MRPS27: variants seen among roughly 807,000 people sequenced by gnomAD.
MRPS27 encodes the protein small ribosomal subunit protein mS27.
A neutral mutation model predicts 48.9 loss-of-function variants in MRPS27; 43 were observed. The ratio of observed to expected loss-of-function variants is 0.88; its 90% CI spans 0.69 to 1.13. MRPS27 has a LOEUF of 1.13. MRPS27 is among the 50% of genes most tolerant of loss of function. The probability of loss-of-function intolerance (pLI) is 0.00; values close to 1 mark genes in which losing one functional copy is unlikely to be tolerated. For missense variants in MRPS27, 467 were observed against 476.3 expected, an observed-to-expected ratio of 0.98 and a Z score of 0.18; for synonymous variants, 188 against 171.9, an observed-to-expected ratio of 1.09 and a Z score of -0.73.
At chr5:72,276,202 G>A (rs1295158517) in intron 4 of MRPS27, among the ~76,000 whole-genome samples, 4 of 151,998 alleles carry the variant, frequency 2.6e-5, no homozygotes, top group African/African-American at 4.8e-5. Context: ...GCATAGTACT[G>A]GTACAAAAAC....
At chr5:72,258,675 G>A (rs1748879910) in intron 4 of MRPS27, among the ~76,000 whole-genome samples, 1 of 152,108 alleles carries the variant, frequency 6.6e-6, no homozygotes, top group Admixed American at 6.5e-5. Context: ...TGGCAATCAA[G>A]GTGCCATCTT....
At chr5:72,245,280 T>C (rs372616372) in intron 4 of MRPS27, among the ~76,000 whole-genome samples, 2 of 152,296 alleles carry the variant, frequency 1.3e-5, no homozygotes, top group Admixed American at 6.5e-5. Flanking sequence ...AGCAGGATGT[T>C]GAGAAAAACT....
chr5:72,302,635 C>CA (rs1348661527), intron 2 of MRPS27, among the ~76,000 whole-genome samples: 1 of 152,196 alleles, frequency 6.6e-6, no homozygotes, highest in Non-Finnish European at 1.5e-5. Context: ...ATGTAACTGT[C>CA]AGAGGCCAAA....
chr5:72,309,781 T>A (rs1435134400), intron 2 of MRPS27, among the ~76,000 whole-genome samples: 2 of 152,230 alleles, frequency 1.3e-5, no homozygotes, highest in South Asian at 4.1e-4. Flanking sequence ...TTGCTTATAA[T>A]TCACATATGG....
intron 4 of MRPS27, among the ~76,000 whole-genome samples, chr5:72,263,287 G>A (rs1749030114): frequency 6.6e-6 from 1 of 151,938 alleles, no homozygotes; most frequent in South Asian, 2.1e-4. Flanking sequence ...GAACTCAAAT[G>A]AATCAATGAC....
rs1747718116 is a variant in MRPS27 at position 72,220,799 on chromosome 5, G to T, written c.*110C>A. 6.8e-7 allele frequency: 1 copy of T among 1,480,166 alleles called. No individual in the cohort carries two copies. Among genetic ancestry groups the T allele is most frequent in the Non-Finnish European group, 9.1e-7 (1 of 1,096,730 alleles). 91.7% of individuals were successfully genotyped at this position (1,480,166 alleles called of 1,614,324 possible). A position where few individuals can be genotyped will look rare whatever the true frequency, so the allele number is the denominator to read the frequency against. Reference sequence around the variant, plus strand: ...ATGTAGGGCACATAGCCTGCTTTAAGAAAAGAAGATGGGTAGAGGAAGCTG... The same window carrying T: ...ATGTAGGGCACATAGCCTGCTTTAATAAAAGAAGATGGGTAGAGGAAGCTG... On this transcript the variant is annotated 3_prime_UTR_variant, in exon 11 of 11. Coordinates refer to ENST00000261413, the MANE Select transcript of MRPS27 (RefSeq NM_015084.3).
At chr5:72,314,243 C>A in intron 1 of MRPS27, 85 bp from the exon 2 acceptor site, 1 of 874,138 alleles carries the variant, frequency 1.1e-6, no homozygotes, top group Non-Finnish European at 1.8e-6. Flanking sequence ...CTTCACTATC[C>A]TTTCAACTAC....
At chr5:72,316,930 G>A (rs1356070821) in intron 1 of MRPS27, among the ~76,000 whole-genome samples, 1 of 151,500 alleles carries the variant, frequency 6.6e-6, no homozygotes, top group East Asian at 2.0e-4. Flanking sequence ...TTGGGAGGCT[G>A]AGGCAAGAGA....
At chr5:72,283,289 T>G (rs758523336) in intron 4 of MRPS27, among the ~76,000 whole-genome samples, 6 of 152,262 alleles carry the variant, frequency 3.9e-5, no homozygotes, top group Admixed American at 2.6e-4. Flanking sequence ...CTTTTTATGT[T>G]AATTTTTTTC....
chr5:72,245,073 T>G lies in MRPS27; in HGVS notation c.282-6945A>C, dbSNP rs1452086462. The stretch of plus-strand genomic sequence containing the variant: ...TACAGTCATCACTGAGGTGCCCATC[T>G]GGAGATGGTCCTAAAAGCAGAAAAT... On this transcript the variant is annotated intron_variant, in intron 4 of 10. Coordinates refer to ENST00000261413, the MANE Select transcript of MRPS27 (RefSeq NM_015084.3). Among the ~76,000 whole-genome samples the G allele has an allele frequency of 6.6e-5, 10 of 152,232 alleles. No individual in the cohort carries two copies. The East Asian group carries it at 1.9e-3, about 29-fold the overall frequency.
intron 6 of MRPS27, among the ~76,000 whole-genome samples, chr5:72,233,733 T>C (rs184965611): frequency 2.6e-5 from 4 of 152,086 alleles, no homozygotes; most frequent in Admixed American, 2.0e-4. Flanking sequence ...TAAAAGAGCA[T>C]AGGCTAAAAA....
chr5:72,311,821 T>C, intron 2 of MRPS27, among the ~76,000 whole-genome samples: 1 of 152,248 alleles, frequency 6.6e-6, no homozygotes, highest in East Asian at 1.9e-4. Flanking sequence ...AGGAGTTCTT[T>C]GCAGTTTTTA....
At chr5:72,318,787 C>A (rs1467532232) in intron 1 of MRPS27, among the ~76,000 whole-genome samples, 2 of 58,266 alleles carry the variant, frequency 3.4e-5, no homozygotes, top group South Asian at 1.6e-3. Context: ...AGAACGAAAC[C>A]CGAAAAAAAA....
At chr5:72,288,433 G>A (rs1428322564) in intron 4 of MRPS27, among the ~76,000 whole-genome samples, 1 of 152,124 alleles carries the variant, frequency 6.6e-6, no homozygotes, top group Non-Finnish European at 1.5e-5. Flanking sequence ...GGATGGTCTC[G>A]ATCTCCTGAC....
At chr5:72,311,875 G>A (rs976488798) in intron 2 of MRPS27, among the ~76,000 whole-genome samples, 3 of 152,250 alleles carry the variant, frequency 2.0e-5, no homozygotes, top group African/African-American at 4.8e-5. Flanking sequence ...GCTCAAGCCT[G>A]TAATCCCAGC....
chr5:72,292,975 TGAG>T (rs1165208903), intron 4 of MRPS27, among the ~76,000 whole-genome samples: 1 of 152,176 alleles, frequency 6.6e-6, no homozygotes, highest in African/African-American at 2.4e-5. Flanking sequence ...AGTCATCCCA[TGAG>T]GAGATGTTAG....
At chr5:72,229,585 T>G (rs1447660061) in intron 7 of MRPS27, 1 of 152,180 alleles carries the variant, frequency 6.6e-6, no homozygotes, top group Non-Finnish European at 1.5e-5. Context: ...TTTTTCCCCC[T>G]GTAGGGAAAA....
intron 1 of MRPS27, among the ~76,000 whole-genome samples, chr5:72,316,910 T>A (rs904432488): frequency 6.6e-6 from 1 of 151,296 alleles, no homozygotes; most frequent in African/African-American, 2.4e-5. Flanking sequence ...ATGCCTGTAA[T>A]CCCAGGTACT....
At chr5:72,258,400 T>C (rs1748870517) in intron 4 of MRPS27, among the ~76,000 whole-genome samples, 1 of 152,170 alleles carries the variant, frequency 6.6e-6, no homozygotes. Flanking sequence ...AATCACCTTG[T>C]TTTCATGATT....
Sources: gnomAD v4.1 joint callset for allele counts (sites outside exome capture counted in the v4.1 genomes callset) on GRCh38, gnomAD v4.1.1 for gene constraint, MANE v1.5 for transcripts, NCBI Gene and HGNC (gene_info 2026-07-23, HGNC 2026-07-21) for gene names.